The following SLIT3 variants were observed in gnomAD, a reference collection of about 807,000 sequenced individuals.
The protein encoded by SLIT3 is slit guidance ligand 3.
SLIT3 carries 68 observed loss-of-function variants against 184.0 expected under a neutral mutation model. The ratio of observed to expected loss-of-function variants is 0.37; its 90% CI spans 0.30 to 0.45. SLIT3 has a LOEUF of 0.45. Among genes scored for constraint, SLIT3 ranks in the 20% least tolerant of loss-of-function variants. SLIT3 has a pLI of 1.00. For synonymous variants in SLIT3, 831 were observed against 828.6 expected (o/e 1.00, Z -0.05); for missense variants, 1,707 against 2,026.0 (o/e 0.84, Z 3.02).
At chr5:168,706,748 T>C (rs1477979540) in intron 26 of SLIT3, 1 of 152,190 alleles carries the variant, frequency 6.6e-6, no homozygotes, top group Non-Finnish European at 1.5e-5. Context: ...CCCAGGCCCA[T>C]AGGTGGCACT....
chr5:169,255,291 C>T (rs1176741106), intron 1 of SLIT3, among the ~76,000 whole-genome samples: 1 of 152,062 alleles, frequency 6.6e-6, no homozygotes, highest in Non-Finnish European at 1.5e-5. Flanking sequence ...AGGAGGTATT[C>T]CAGAGGAAGG....
intron 14 of SLIT3, among the ~76,000 whole-genome samples, chr5:168,771,577 C>T (rs938493110): frequency 1.1e-4 from 17 of 152,230 alleles, no homozygotes; most frequent in Admixed American, 3.3e-4. Context: ...GTACCACGCT[C>T]ATCGCAGGTG....
chr5:168,992,721 C>T (rs1291278281), intron 4 of SLIT3, among the ~76,000 whole-genome samples: 2 of 152,198 alleles, frequency 1.3e-5, no homozygotes, highest in Non-Finnish European at 2.9e-5. Context: ...TGTGGAACCT[C>T]AGGGTTCCAA....
intron 6 of SLIT3, among the ~76,000 whole-genome samples, chr5:168,827,891 C>T (rs933870369): frequency 1.3e-5 from 2 of 152,192 alleles, no homozygotes; most frequent in Non-Finnish European, 2.9e-5. Flanking sequence ...TGTCGATCTG[C>T]TTTTGCATTA....
chr5:168,768,398 G>A, intron 14 of SLIT3: 1 of 415,234 alleles, frequency 2.4e-6, no homozygotes, highest in South Asian at 1.7e-5. Context: ...TCCGAAGATT[G>A]CAGCCCTGCT....
At chr5:168,871,363 A>G (rs1343109308) in intron 5 of SLIT3, among the ~76,000 whole-genome samples, 1 of 152,110 alleles carries the variant, frequency 6.6e-6, no homozygotes, top group Non-Finnish European at 1.5e-5. Flanking sequence ...GCATTTTTAG[A>G]AGAGCCATTT....
intron 4 of SLIT3, among the ~76,000 whole-genome samples, chr5:169,015,987 A>ACCC (rs1561608940): frequency 7.4e-5 from 5 of 67,144 alleles, no homozygotes; most frequent in South Asian, 4.3e-4. Context: ...CACACACACA[A>ACCC]CTTTCTGTCT....
At chr5:168,914,371 T>C (rs1306982992) in intron 4 of SLIT3, among the ~76,000 whole-genome samples, 1 of 152,236 alleles carries the variant, frequency 6.6e-6, no homozygotes, top group Non-Finnish European at 1.5e-5. Flanking sequence ...CCTCTGAATC[T>C]GCCCAGGGTT....
At chr5:168,881,884 G>A (rs1291653212) in intron 5 of SLIT3, among the ~76,000 whole-genome samples, 1 of 152,204 alleles carries the variant, frequency 6.6e-6, no homozygotes, top group Admixed American at 6.5e-5. Flanking sequence ...GGGTGTGGCT[G>A]CTCCACCCCG....
chr5:169,255,224 T>G (rs1393288542), intron 1 of SLIT3, among the ~76,000 whole-genome samples: 2 of 152,236 alleles, frequency 1.3e-5, no homozygotes, highest in Non-Finnish European at 1.5e-5. Context: ...TAGAGCATAC[T>G]CCTTCTACTT....
chr5:169,193,969 T>C (rs297900), intron 3 of SLIT3, among the ~76,000 whole-genome samples: 97,785 of 151,948 alleles, frequency 0.64, 31,854 homozygotes, highest in East Asian at 0.79. Context: ...CACGGTGGCT[T>C]ACGCCTGTAA....
At chr5:169,193,833 C>T (rs1251684763) in intron 3 of SLIT3, among the ~76,000 whole-genome samples, 1 of 152,196 alleles carries the variant, frequency 6.6e-6, no homozygotes, top group Non-Finnish European at 1.5e-5. Context: ...TAATGGATCA[C>T]AATATTCCTT....
chr5:168,865,173 C>CAAAAAAAAAAAAA (rs70979103), intron 5 of SLIT3, among the ~76,000 whole-genome samples: 1 of 56,292 alleles, frequency 1.8e-5, no homozygotes, highest in East Asian at 5.4e-4. Context: ...AACTCCGTCT[C>CAAAAAAAAAAAAA]AAAAAAAAAA....
At chr5:169,135,742 G>A (rs189189976) in intron 4 of SLIT3, among the ~76,000 whole-genome samples, 39 of 152,304 alleles carry the variant, frequency 2.6e-4, no homozygotes, top group African/African-American at 8.7e-4. Flanking sequence ...ACAGAACTAG[G>A]CAATCTCCAT....
At chr5:168,863,139 T>G (rs1013414478) in intron 5 of SLIT3, among the ~76,000 whole-genome samples, 3 of 152,224 alleles carry the variant, frequency 2.0e-5, no homozygotes, top group Non-Finnish European at 4.4e-5. Flanking sequence ...AAAGTCTGAC[T>G]TGCCTGATGA....
At chr5:169,268,066 A>C (rs187055900) in intron 1 of SLIT3, among the ~76,000 whole-genome samples, 2 of 152,316 alleles carry the variant, frequency 1.3e-5, no homozygotes, top group East Asian at 3.9e-4. Context: ...AACACTAATA[A>C]AGTGAGTTCA....
At chr5:169,083,502 A>C (rs959707522) in intron 4 of SLIT3, among the ~76,000 whole-genome samples, 4 of 152,248 alleles carry the variant, frequency 2.6e-5, no homozygotes, top group Non-Finnish European at 1.5e-5. Flanking sequence ...TTAAACTTAC[A>C]GTCCCAAACT....
rs183262930 is a variant in SLIT3, at chr5:168,735,897, C to T, written c.2271-11413G>A. On this transcript the variant is annotated intron_variant, in intron 20 of 35. Coordinates refer to ENST00000519560, the MANE Select transcript of SLIT3 (RefSeq NM_003062.4). ...CTACAAGAACTTACATATCCCTTCT[C>T]AAGCTTTCAGCACACATCACCCTCT... is the stretch of plus-strand genomic sequence containing the variant. Among the ~76,000 whole-genome samples, 21 of 152,292 alleles carry T rather than the reference C, an allele frequency of 1.4e-4. No homozygotes were observed. In the East Asian group the frequency reaches 3.5e-3, roughly 25 times the overall value.
intron 4 of SLIT3, among the ~76,000 whole-genome samples, chr5:168,908,479 C>T (rs1201295938): frequency 6.6e-6 from 1 of 152,132 alleles, no homozygotes; most frequent in Admixed American, 6.5e-5. Context: ...ACGGGAGACA[C>T]TGAAGAGCCT....
Sources: gnomAD v4.1 joint callset for allele counts (sites outside exome capture counted in the v4.1 genomes callset) on GRCh38, gnomAD v4.1.1 for gene constraint, MANE v1.5 for transcripts, NCBI Gene and HGNC (gene_info 2026-07-23, HGNC 2026-07-21) for gene names.